The following KIF2B variants were observed in gnomAD, a reference collection of about 807,000 sequenced individuals.
KIF2B encodes the protein kinesin-like protein KIF2B.
In KIF2B, 5 loss-of-function variants were observed where a neutral mutation model predicts 6.8. The ratio of observed to expected loss-of-function variants is 0.74; its 90% confidence interval spans 0.39 to 1.55. The LOEUF (loss-of-function observed/expected upper bound fraction) is 1.55. KIF2B is among the 40% of genes most tolerant of loss of function. KIF2B has a pLI of 0.03. For synonymous variants in KIF2B, 370 were observed against 330.7 expected (o/e 1.12, Z -1.29); for missense variants, 908 against 831.3 (o/e 1.09, Z -1.13).
rs756650423 is a variant in KIF2B, at chr17:53,825,076, G to A, written c.*21G>A. 6.4e-7 allele frequency: 1 copy of A among 1,553,688 alleles called. No individual in the cohort carries two copies. The highest frequency in any genetic ancestry group is 1.2e-5 in the South Asian group (1 of 82,908). On this transcript the variant is annotated 3_prime_UTR_variant, in exon 1 of 1. Transcript: ENST00000268919. ...AGTGAAGCCAATGGCGAGAGATCAG[G>A]TCCGAAATGCTGCATTGCTGCAGTT...
Position 53,824,427 on chromosome 17 carries a change from A to G in KIF2B, c.1394A>G (p.Gln465Arg). The change falls in exon 1 of 1, where the codon CAG becomes CGG. Residue 465 changes from glutamine (Q) to arginine (R), a missense_variant. Physicochemically the swap from Gln to Arg is conservative, Grantham distance 43 (BLOSUM62 1). Transcript: ENST00000268919. ...ACAACCAAGGCCAGCCGGAAAAGGC[A>G]GCTGGAAGGGGCAGAGATTAACAAG... ...ADTTKASRKR[Q>R]LEGAEINKSL... The G allele has an allele frequency of 6.2e-7, 1 of 1,614,148 alleles. No homozygotes were observed. Among genetic ancestry groups the G allele is most frequent in the Non-Finnish European group, 8.5e-7 (1 of 1,180,028 alleles).
Position 53,824,150 on chromosome 17 carries a change from A to C in KIF2B, c.1117A>C (p.Lys373Gln), listed in dbSNP as rs376669407. ...GTATGATTTGTTGAACTGGAAGAAG[A>C]AGCTGCAAGTCCTTGAGGATGGCAA... is the stretch of plus-strand genomic sequence containing the variant. ...KVYDLLNWKK[K>Q]LQVLEDGNQQ... is the part of the protein sequence containing the mutation. The change falls in exon 1 of 1, where the codon AAG (lysine) becomes CAG (glutamine). Residue 373 changes from lysine (K) to glutamine (Q), a missense_variant. Transcript: ENST00000268919. The C allele has an allele frequency of 3.7e-6, 6 of 1,614,128 alleles. No individual in the cohort carries two copies. Among genetic ancestry groups the C allele is most frequent in the Middle Eastern group, 1.6e-4 (1 of 6,084 alleles).
chr17:53,825,185 G>C lies in KIF2B; in HGVS notation c.*130G>C. The stretch of plus-strand genomic sequence containing the variant: ...TAAAACATCTTAAAATACACTGATG[G>C]GAAACATGCTCTTTCTTCTGCCTCT... On this transcript the variant is annotated 3_prime_UTR_variant, in exon 1 of 1. Transcript: ENST00000268919. The C allele has an allele frequency of 1.6e-6, 1 of 644,772 alleles. No individual in the cohort carries two copies. Among genetic ancestry groups the C allele is most frequent in the Non-Finnish European group, 2.7e-6 (1 of 372,874 alleles). 39.9% of individuals were successfully genotyped at this position (644,772 alleles called of 1,614,324 possible).
chr17:53,824,621 ACT>A lies in KIF2B; in HGVS notation c.1592_1593del (p.Leu531GlnfsTer29), dbSNP rs1906514760. On this transcript the variant is annotated frameshift_variant, in exon 1 of 1. Transcript: ENST00000268919. LOFTEE classifies it low-confidence loss of function (END_TRUNC). ...ISPGMTSCEN[T>X]LNTLRYANRV... ...TCCGGGGATGACCTCTTGTGAAAAC[ACT>A]CTCAACACTTTAAGATATGCAAACA... The A allele has an allele frequency of 6.2e-7, 1 of 1,614,090 alleles. No homozygotes were observed. The highest frequency in any genetic ancestry group is 8.5e-7 in the Non-Finnish European group (1 of 1,180,016).
Position 53,824,846 on chromosome 17 carries a change from T to C in KIF2B, c.1813T>C (p.Leu605=), listed in dbSNP as rs767316811. The part of the protein sequence containing the change: ...IEEVETLPTL[L]GKDTTISGKG... ...AGAGGTTGAAACATTACCCACTCTG[T>C]TAGGGAAGGATACCACAATTTCAGG... Residue 605 remains leucine (L), a synonymous_variant, in exon 1 of 1, where the codon TTA becomes CTA. Coordinates refer to ENST00000268919, the MANE Select transcript of KIF2B (RefSeq NM_032559.5). The C allele has an allele frequency of 6.2e-7, 1 of 1,613,854 alleles. No homozygotes were observed. The highest frequency in any genetic ancestry group is 8.5e-7 in the Non-Finnish European group (1 of 1,179,886).
At position 53,823,021 on chromosome 17, in the gene KIF2B, TC is replaced by T; in HGVS notation, c.-11del. 2 of 1,609,930 alleles carry T rather than the reference TC, an allele frequency of 1.2e-6. No homozygotes were observed. The highest frequency in any genetic ancestry group is 8.5e-7 in the Non-Finnish European group (1 of 1,177,466). On this transcript the variant is annotated 5_prime_UTR_variant, in exon 1 of 1. Coordinates refer to ENST00000268919, the MANE Select transcript of KIF2B (RefSeq NM_032559.5). ...GGGCCCTGGAGCGCTCCCTGATACC[TC>T]CATCACTCACCATGGCCAGCCAGTT...
rs768184154 is a variant in KIF2B at position 53,823,714 on chromosome 17, G to C, written c.681G>C (p.Glu227Asp). 1 of 1,614,210 alleles carries C rather than the reference G, an allele frequency of 6.2e-7. No individual in the cohort carries two copies. Among genetic ancestry groups the C allele is most frequent in the Non-Finnish European group, 8.5e-7 (1 of 1,180,034 alleles). ...GGAAGCGGCCTCTCAACCAGCGAGA[G>C]ACAACCTTAAAGGACCTGGATATCA... The part of the protein sequence containing the change: ...CVRKRPLNQR[E>D]TTLKDLDIIT... The change falls in exon 1 of 1, where the codon GAG (glutamate) becomes GAC (aspartate). Residue 227 changes from glutamate to aspartate, a missense_variant. Coordinates refer to ENST00000268919, the MANE Select transcript of KIF2B (RefSeq NM_032559.5).
At position 53,824,495 on chromosome 17, in the gene KIF2B, A is replaced by G; in HGVS notation, c.1462A>G (p.Asn488Asp). 2 of 1,614,116 alleles carry G rather than the reference A, an allele frequency of 1.2e-6. No homozygotes were observed. Among genetic ancestry groups the G allele is most frequent in the Non-Finnish European group, 1.7e-6 (2 of 1,180,030 alleles). The change falls in exon 1 of 1, where the codon AAC becomes GAC. Residue 488 changes from asparagine (N) to aspartate (D), a missense_variant. Asn to Asp is a conservative substitution (Grantham distance 23). Transcript: ENST00000268919. ...LKECILALGQ[N>D]KPHTPFRASK... The stretch of plus-strand genomic sequence containing the variant: ...AGAATGTATTCTGGCTTTGGGTCAG[A>G]ACAAGCCTCACACCCCATTCAGAGC...
chr17:53,824,664 A>G lies in KIF2B; in HGVS notation c.1631A>G (p.Asn544Ser), dbSNP rs898835619. 4 of 1,614,176 alleles carry G rather than the reference A, an allele frequency of 2.5e-6. No individual in the cohort carries two copies. Among genetic ancestry groups the G allele is most frequent in the Middle Eastern group, 1.7e-4 (1 of 6,060 alleles). The part of the protein sequence containing the change: ...LRYANRVKKL[N>S]VDVRPYHRGH... ...TATGCAAACAGAGTAAAAAAATTAA[A>G]TGTAGATGTAAGGCCCTACCATCGT... The change falls in exon 1 of 1, where the codon AAT becomes AGT. Residue 544 changes from asparagine to serine, a missense_variant. Transcript: ENST00000268919.
chr17:53,824,887 A>G lies in KIF2B; in HGVS notation c.1854A>G (p.Gln618=), dbSNP rs2143787500. Residue 618 remains glutamine, a synonymous_variant, in exon 1 of 1, where the codon CAA becomes CAG. Coordinates refer to ENST00000268919, the MANE Select transcript of KIF2B (RefSeq NM_032559.5). ...CAATTTCAGGGAAGGGATCTAGCCAATGGCTGGAAAACATCCAGGAGAGAG... is the reference window on the plus strand; with the variant it reads ...CAATTTCAGGGAAGGGATCTAGCCAGTGGCTGGAAAACATCCAGGAGAGAG... ...DTTISGKGSS[Q]WLENIQERAG... 1.2e-6 allele frequency: 2 copies of G among 1,614,108 alleles called. No individual in the cohort carries two copies. The highest frequency in any genetic ancestry group is 1.7e-6 in the Non-Finnish European group (2 of 1,179,974).
rs1906515860 is a variant in KIF2B, at chr17:53,824,652, T to C, written c.1619T>C (p.Val540Ala). Residue 540 changes from valine (V) to alanine (A), a missense_variant, in exon 1 of 1, where the codon GTA becomes GCA. By Grantham distance (64) the Val-to-Ala change is moderately conservative. Transcript: ENST00000268919. Reference protein sequence around the residue: ...TLNTLRYANRVKKLNVDVRPY... With the variant: ...TLNTLRYANRAKKLNVDVRPY... ...AACACTTTAAGATATGCAAACAGAG[T>C]AAAAAAATTAAATGTAGATGTAAGG... 6.2e-7 allele frequency: 1 copy of C among 1,613,806 alleles called. No individual in the cohort carries two copies. Among genetic ancestry groups the C allele is most frequent in the East Asian group, 2.2e-5 (1 of 44,862 alleles).
In KIF2B at chr17:53,823,804, C is replaced by T. The variant is rs749943036; in HGVS notation, c.771C>T (p.Arg257=). 8 of 1,614,220 alleles carry T rather than the reference C, an allele frequency of 5.0e-6. No individual in the cohort carries two copies. In the South Asian group the frequency reaches 8.8e-5, roughly 18 times the overall value. The change falls in exon 1 of 1, where the codon CGC becomes CGT. Residue 257 remains arginine, a synonymous_variant. Coordinates refer to ENST00000268919, the MANE Select transcript of KIF2B (RefSeq NM_032559.5). ...HESKQKVDLT[R]YLQNQTFCFD... is the part of the protein sequence containing the mutation. ...CCAAGCAAAAGGTGGACCTCACTCG[C>T]TACCTGCAGAACCAGACCTTCTGCT...
rs2143783152 is a variant in KIF2B at position 53,824,026 on chromosome 17, G to T, written c.993G>T (p.Leu331=). The change falls in exon 1 of 1, where the codon CTG becomes CTT. Residue 331 remains leucine, a synonymous_variant. Coordinates refer to ENST00000268919, the MANE Select transcript of KIF2B (RefSeq NM_032559.5). ...AQDCSKGIYA[L]VAQDVFLLLR... is the part of the protein sequence containing the mutation. Reference sequence around the variant, plus strand: ...ATTGTTCTAAGGGCATTTATGCTCTGGTGGCACAGGATGTCTTTCTCCTGC... The same window carrying T: ...ATTGTTCTAAGGGCATTTATGCTCTTGTGGCACAGGATGTCTTTCTCCTGC... 6.2e-7 allele frequency: 1 copy of T among 1,614,192 alleles called. No homozygotes were observed. The highest frequency in any genetic ancestry group is 8.5e-7 in the Non-Finnish European group (1 of 1,180,032).
Position 53,823,671 on chromosome 17 carries a change from G to C in KIF2B, c.638G>C (p.Arg213Pro), listed in dbSNP as rs140988115. The change falls in exon 1 of 1, where the codon CGC (arginine) becomes CCC (proline). Residue 213 changes from arginine (R) to proline (P), a missense_variant. Physicochemically the swap from Arg to Pro is moderately radical, Grantham distance 103. Coordinates refer to ENST00000268919, the MANE Select transcript of KIF2B (RefSeq NM_032559.5). ...GTCCTGGAGCCCCCGCAAGAACATC[G>C]CATCTGCGTCTGCGTGAGGAAGCGG... ...ISVLEPPQEH[R>P]ICVCVRKRPL... 6.2e-7 allele frequency: 1 copy of C among 1,614,054 alleles called. No individual in the cohort carries two copies. Among genetic ancestry groups the C allele is most frequent in the East Asian group, 2.2e-5 (1 of 44,884 alleles).
In KIF2B at chr17:53,824,011, G is replaced by A. The variant is rs781640043; in HGVS notation, c.978G>A (p.Lys326=). The change falls in exon 1 of 1, where the codon AAG becomes AAA. Residue 326 remains lysine (K), a synonymous_variant. Coordinates refer to ENST00000268919, the MANE Select transcript of KIF2B (RefSeq NM_032559.5). ...CAGGAACGGCCCAAGATTGTTCTAAGGGCATTTATGCTCTGGTGGCACAGG... is the reference window on the plus strand; with the variant it reads ...CAGGAACGGCCCAAGATTGTTCTAAAGGCATTTATGCTCTGGTGGCACAGG... ...DFSGTAQDCS[K]GIYALVAQDV... is the part of the protein sequence containing the mutation. 6.2e-7 allele frequency: 1 copy of A among 1,614,206 alleles called. No individual in the cohort carries two copies. The highest frequency in any genetic ancestry group is 1.7e-5 in the Admixed American group (1 of 60,030).
At position 53,824,212 on chromosome 17, in the gene KIF2B, G is replaced by A. The variant is rs1597959495; in HGVS notation, c.1179G>A (p.Glu393=). 1 of 1,614,172 alleles carries A rather than the reference G, an allele frequency of 6.2e-7. No individual in the cohort carries two copies. Among genetic ancestry groups the A allele is most frequent in the Non-Finnish European group, 8.5e-7 (1 of 1,180,022 alleles). ...AAGTGGTCGGGCTGCAGGAGAAAGA[G>A]GTGTGTTGTGTGGAGGAAGTGCTGA... is the stretch of plus-strand genomic sequence containing the variant. The part of the protein sequence containing the change: ...QIQVVGLQEK[E]VCCVEEVLNL... Residue 393 remains glutamate (E), a synonymous_variant, in exon 1 of 1, where the codon GAG becomes GAA. Coordinates refer to ENST00000268919, the MANE Select transcript of KIF2B (RefSeq NM_032559.5).
rs2143777038 is a variant in KIF2B at position 53,822,975 on chromosome 17, G to A, written c.-59G>A. 6.7e-7 allele frequency: 1 copy of A among 1,493,944 alleles called. No homozygotes were observed. Among genetic ancestry groups the A allele is most frequent in the South Asian group, 1.3e-5 (1 of 79,378 alleles). 92.5% of individuals were successfully genotyped at this position (1,493,944 alleles called of 1,614,324 possible). ...CTCCGGGCGCTTCAGGCTGGCTTGG[G>A]TCCTGCTGCTCCAACCCCAAGGGCC... On this transcript the variant is annotated 5_prime_UTR_variant, in exon 1 of 1. Transcript: ENST00000268919.
In KIF2B at chr17:53,823,037, G is replaced by T; in HGVS notation, c.4G>T (p.Ala2Ser). ...CCTGATACCTCCATCACTCACCATGGCCAGCCAGTTCTGCCTCCCTGAATC... is the reference window on the plus strand; with the variant it reads ...CCTGATACCTCCATCACTCACCATGTCCAGCCAGTTCTGCCTCCCTGAATC... MASQFCLPESPC... is the reference protein window; with the variant it reads MSSQFCLPESPC... Residue 2 changes from alanine to serine, a missense_variant, in exon 1 of 1, where the codon GCC becomes TCC. Transcript: ENST00000268919. 6.2e-7 allele frequency: 1 copy of T among 1,612,742 alleles called. No individual in the cohort carries two copies. Among genetic ancestry groups the T allele is most frequent in the Non-Finnish European group, 8.5e-7 (1 of 1,179,076 alleles).
Position 53,824,688 on chromosome 17 carries a change from G to T in KIF2B, c.1655G>T (p.Arg552Leu), listed in dbSNP as rs767148004. 2.5e-6 allele frequency: 4 copies of T among 1,613,928 alleles called. No homozygotes were observed. In the Admixed American group the frequency reaches 6.7e-5, roughly 27 times the overall value. Reference protein sequence around the residue: ...KLNVDVRPYHRGHYPIGHEAP... With the variant: ...KLNVDVRPYHLGHYPIGHEAP... The stretch of plus-strand genomic sequence containing the variant: ...AATGTAGATGTAAGGCCCTACCATC[G>T]TGGCCACTATCCGATTGGACATGAG... Residue 552 changes from arginine (R) to leucine (L), a missense_variant, in exon 1 of 1, where the codon CGT becomes CTT. Coordinates refer to ENST00000268919, the MANE Select transcript of KIF2B (RefSeq NM_032559.5).
Sources: allele counts gnomAD v4.1 joint callset, GRCh38; gene constraint gnomAD v4.1.1; transcripts MANE v1.5; gene names NCBI Gene and HGNC (gene_info 2026-07-23, HGNC 2026-07-21).